The following MAPKBP1 variants were observed in gnomAD, a reference collection of about 807,000 sequenced individuals.
MAPKBP1 encodes mitogen-activated protein kinase-binding protein 1.
A neutral mutation model predicts 170.5 loss-of-function variants in MAPKBP1; 71 were observed. That is an observed-to-expected ratio of 0.42 (90% CI 0.34 to 0.51). The LOEUF (loss-of-function observed/expected upper bound fraction) is 0.51, where lower values mean the gene tolerates loss of function less well. Among genes scored for constraint, MAPKBP1 ranks in the 20% least tolerant of loss-of-function variants. MAPKBP1 has a pLI of 0.06. For synonymous variants in MAPKBP1, 719 were observed against 757.9 expected (o/e 0.95, Z 0.84); for missense variants, 1,598 against 1,933.0 (o/e 0.83, Z 3.25).
rs865827798 is a variant in MAPKBP1, at chr15:41,779,790, C to T, written c.114+4401C>T. On this transcript the variant is annotated intron_variant, in intron 2 of 30. Coordinates refer to ENST00000457542, the MANE Select transcript of MAPKBP1 (RefSeq NM_014994.3). ...TGTCCCTGTGGCCAGCAGCTATGCC[C>T]CTCACCAGCCTTTGTGAATGACCTT... 2.0e-5 allele frequency among the ~76,000 whole-genome samples: 3 copies of T among 152,216 alleles called. No individual in the cohort carries two copies. The South Asian group carries it at 6.2e-4, about 32-fold the overall frequency.
rs758297505 is a variant in MAPKBP1, at chr15:41,822,690, C to G, written c.3314+13C>G. On this transcript the variant is annotated intron_variant, in intron 27 of 30. Transcript: ENST00000457542. ...CCCGCCCACTCAGGTACAGAGGCCCCCTACCCCCCAGCAGCAGCTCTGGCT... is the reference window on the plus strand; with the variant it reads ...CCCGCCCACTCAGGTACAGAGGCCCGCTACCCCCCAGCAGCAGCTCTGGCT... The G allele has an allele frequency of 1.9e-6, 3 of 1,613,748 alleles. No individual in the cohort carries two copies. The South Asian group carries it at 3.3e-5, about 18-fold the overall frequency.
chr15:41,787,337 TC>T (rs1240442228), intron 2 of MAPKBP1, among the ~76,000 whole-genome samples: 3 of 151,034 alleles, frequency 2.0e-5, no homozygotes, highest in African/African-American at 7.3e-5. Context: ...CTCTTTTTGA[TC>T]AACATAGTCG....
At chr15:41,796,609 C>CT (rs1567140296) in intron 2 of MAPKBP1, among the ~76,000 whole-genome samples, 1 of 152,152 alleles carries the variant, frequency 6.6e-6, no homozygotes, top group African/African-American at 2.4e-5. Context: ...TGCTTTTCCC[C>CT]CCCCTTGGAT....
chr15:41,823,641 G>C lies in MAPKBP1; in HGVS notation c.3793G>C (p.Val1265Leu). 3 of 1,614,178 alleles carry C rather than the reference G, an allele frequency of 1.9e-6. No homozygotes were observed. Among genetic ancestry groups the C allele is most frequent in the Non-Finnish European group, 2.5e-6 (3 of 1,180,026 alleles). ...CTCTGTTGGGGAGAACCTGGGCCTG[G>C]TGGCTGAACCTCAAGCTCATGCCCC... ...SISVGENLGL[V>L]AEPQAHAPIR... Residue 1265 changes from valine to leucine, a missense_variant, in exon 29 of 31, where the codon GTG becomes CTG. Coordinates refer to ENST00000457542, the MANE Select transcript of MAPKBP1 (RefSeq NM_014994.3).
Position 41,823,774 on chromosome 15 carries a change from C to T in MAPKBP1, c.3926C>T (p.Pro1309Leu), listed in dbSNP as rs1179060379. 3.1e-6 allele frequency: 5 copies of T among 1,614,050 alleles called. No individual in the cohort carries two copies. Among genetic ancestry groups the T allele is most frequent in the African/African-American group, 1.3e-5 (1 of 74,904 alleles). The stretch of plus-strand genomic sequence containing the variant: ...CGTCCTACCCTGGCTGCATTCTCTC[C>T]TGTCACCAAAGGCCGGGCCCCTGGC... ...PDRPTLAAFS[P>L]VTKGRAPGEA... Residue 1309 changes from proline to leucine, a missense_variant, in exon 29 of 31, where the codon CCT (proline) becomes CTT (leucine). Pro to Leu is a moderately conservative substitution (Grantham distance 98). Around this residue, in one of 6 missense-constraint regions of MAPKBP1, gnomAD observed 942 missense variants for 953.2 expected, o/e 0.99. Transcript: ENST00000457542.
chr15:41,781,603 A>G (rs921270744), intron 2 of MAPKBP1, among the ~76,000 whole-genome samples: 4 of 152,064 alleles, frequency 2.6e-5, no homozygotes, highest in Admixed American at 6.5e-5. Flanking sequence ...TGATGGCACC[A>G]CTGTATTCCA....
At chr15:41,810,561 A>T (rs1327172888) in intron 3 of MAPKBP1, 5 of 259,650 alleles carry the variant, frequency 1.9e-5, no homozygotes, top group South Asian at 1.2e-4. Context: ...AAAAAAAAAA[A>T]ATACAAAGAT....
rs1407838334 is a variant in MAPKBP1, at chr15:41,822,110, G to A, written c.3031G>A (p.Asp1011Asn). 3 of 1,603,972 alleles carry A rather than the reference G, an allele frequency of 1.9e-6. No homozygotes were observed. Among genetic ancestry groups the A allele is most frequent in the African/African-American group, 2.7e-5 (2 of 74,678 alleles). ...TTCCAGCCCGGAGCACCCCACTGAA[G>A]GTGAGGCTGTAGCCTGGAGGGAGGG... ...CLSSPEHPTEDSESTEPLSVD... is the reference protein window; with the variant it reads ...CLSSPEHPTENSESTEPLSVD... The change falls in exon 25 of 31, where the codon GAC (aspartate) becomes AAC (asparagine). Residue 1011 changes from aspartate (D) to asparagine (N), a missense_variant and splice_region_variant. Coordinates refer to ENST00000457542, the MANE Select transcript of MAPKBP1 (RefSeq NM_014994.3).
chr15:41,797,078 T>A (rs542596430), intron 2 of MAPKBP1, among the ~76,000 whole-genome samples: 1 of 152,308 alleles, frequency 6.6e-6, no homozygotes, highest in Admixed American at 6.5e-5. Context: ...AAAACTTTGA[T>A]AAACACTGGT....
intron 2 of MAPKBP1, among the ~76,000 whole-genome samples, chr15:41,780,068 C>T (rs944807100): frequency 6.6e-6 from 1 of 152,144 alleles, no homozygotes; most frequent in Non-Finnish European, 1.5e-5. Context: ...TAAAAATAGC[C>T]CAGCCTCTTC....
At chr15:41,809,843 G>C (rs954536561) in intron 3 of MAPKBP1, among the ~76,000 whole-genome samples, 8 of 152,250 alleles carry the variant, frequency 5.3e-5, no homozygotes, top group African/African-American at 1.9e-4. Flanking sequence ...CACCTTCTCT[G>C]TGAGGCAGGC....
chr15:41,787,999 C>T (rs1323613725), intron 2 of MAPKBP1, among the ~76,000 whole-genome samples: 2 of 151,808 alleles, frequency 1.3e-5, no homozygotes, highest in Non-Finnish European at 2.9e-5. Context: ...GCTCTGTTGC[C>T]CAGGCTGGAG....
intron 2 of MAPKBP1, among the ~76,000 whole-genome samples, chr15:41,788,713 G>A (rs1372965969): frequency 6.6e-6 from 1 of 152,212 alleles, no homozygotes; most frequent in East Asian, 1.9e-4. Context: ...TAGGTGAGTA[G>A]TAGGAAATAG....
At chr15:41,808,418 C>T (rs115676849) in intron 3 of MAPKBP1, among the ~76,000 whole-genome samples, 2,227 of 151,044 alleles carry the variant, frequency 0.015, 58 homozygotes, top group African/African-American at 0.051. Context: ...TTATAATTTT[C>T]GTTTGCCTGC....
Position 41,822,983 on chromosome 15 carries a change from C to T in MAPKBP1, c.3359C>T (p.Pro1120Leu). The change falls in exon 28 of 31, where the codon CCA becomes CTA. Residue 1120 changes from proline (P) to leucine (L), a missense_variant. Coordinates refer to ENST00000457542, the MANE Select transcript of MAPKBP1 (RefSeq NM_014994.3). ...TCAAGCCTGGCACTGATGTCGAGAC[C>T]AGCCCAGGTGCCACAGGCATCTGGT... ...SSSSLALMSR[P>L]AQVPQASGEQ... 5 of 1,613,940 alleles carry T rather than the reference C, an allele frequency of 3.1e-6. No individual in the cohort carries two copies. Among genetic ancestry groups the T allele is most frequent in the Non-Finnish European group, 4.2e-6 (5 of 1,179,896 alleles).
At chr15:41,821,447 G>T in intron 23 of MAPKBP1, 137 bp from the exon 24 acceptor site, 1 of 781,200 alleles carries the variant, frequency 1.3e-6, no homozygotes, top group Non-Finnish European at 2.1e-6. Context: ...TTGAATGAGT[G>T]CACACCGCAT....
intron 25 of MAPKBP1, 44 bp downstream of exon 25, chr15:41,822,154 T>A (rs761662971): frequency 6.4e-6 from 6 of 944,636 alleles, no homozygotes; most frequent in Admixed American, 2.2e-5. Context: ...GGGTGGGGCC[T>A]GGAGGTGGGT....
chr15:41,787,185 T>C (rs975464396), intron 2 of MAPKBP1, among the ~76,000 whole-genome samples: 1 of 152,094 alleles, frequency 6.6e-6, no homozygotes, highest in Non-Finnish European at 1.5e-5. Flanking sequence ...TTGATAAATA[T>C]TTTTTGATAC....
Position 41,825,463 on chromosome 15 carries a change from GA to G in MAPKBP1, c.*29del. The G allele has an allele frequency of 6.4e-7, 1 of 1,556,806 alleles. No individual in the cohort carries two copies. The highest frequency in any genetic ancestry group is 8.7e-7 in the Non-Finnish European group (1 of 1,143,616). Reference sequence around the variant, plus strand: ...TTCTGGAAGCCTGTCCCAAGTGAATGAATGCTCCAGCGATTCCAAACTGCAG... The same window carrying G: ...TTCTGGAAGCCTGTCCCAAGTGAATGATGCTCCAGCGATTCCAAACTGCAG... On this transcript the variant is annotated 3_prime_UTR_variant, in exon 31 of 31. Coordinates refer to ENST00000457542, the MANE Select transcript of MAPKBP1 (RefSeq NM_014994.3).
Sources: allele counts gnomAD v4.1 joint callset (sites outside exome capture counted in the v4.1 genomes callset), GRCh38; gene constraint gnomAD v4.1.1; regional missense constraint gnomAD v4.1.1; transcripts MANE v1.5; gene names NCBI Gene and HGNC (gene_info 2026-07-23, HGNC 2026-07-21).